KSR1: variants seen among roughly 807,000 people sequenced by gnomAD.
KSR1 encodes kinase suppressor of ras 1, also known as kinase suppressor of ras.
In KSR1, 35 loss-of-function variants were observed where a neutral mutation model predicts 92.9. That is an observed-to-expected ratio of 0.38 (90% CI 0.29 to 0.50). KSR1 has a LOEUF of 0.50. Ranked by LOEUF, KSR1 falls within the 20% of genes least tolerant of loss-of-function variation. The probability of loss-of-function intolerance (pLI) is 0.94; values close to 1 mark genes in which losing one functional copy is unlikely to be tolerated. For missense variants in KSR1, 972 were observed against 1,158.5 expected (o/e 0.84, Z 2.34); for synonymous variants, 467 against 472.6 (o/e 0.99, Z 0.15).
chr17:27,531,036 A>G (rs556049735), intron 1 of KSR1, among the ~76,000 whole-genome samples: 23 of 152,302 alleles, frequency 1.5e-4, no homozygotes, highest in East Asian at 1.9e-4. Context: ...TCTTGTAAAC[A>G]ATGTCGGGAT....
At chr17:27,500,633 TTC>T (rs900589570) in intron 1 of KSR1, among the ~76,000 whole-genome samples, 2 of 152,242 alleles carry the variant, frequency 1.3e-5, no homozygotes, top group African/African-American at 4.8e-5. Flanking sequence ...TATTTTAAAG[TTC>T]TAAAAGTAGC....
intron 1 of KSR1, among the ~76,000 whole-genome samples, chr17:27,547,444 T>G (rs766684765): frequency 6.6e-6 from 1 of 152,224 alleles, no homozygotes; most frequent in Non-Finnish European, 1.5e-5. Flanking sequence ...GGCACAGTTA[T>G]CTTAACAAAC....
intron 19 of KSR1, among the ~76,000 whole-genome samples, chr17:27,620,249 C>T (rs1160488440): frequency 2.6e-5 from 4 of 152,176 alleles, no homozygotes; most frequent in African/African-American, 7.2e-5. Context: ...GGTAATGGAT[C>T]GTAGCCATAG....
At position 27,471,430 on chromosome 17, in the gene KSR1, C is replaced by T. The variant is rs566756813; in HGVS notation, c.231+14556C>T. ...AGAGAGGGTGACTTTTGAGCTGAGT[C>T]TTGAAAGATGAGAAGGCCACTGTAG... is the stretch of plus-strand genomic sequence containing the variant. On this transcript the variant is annotated intron_variant, in intron 1 of 20. Transcript: ENST00000644974. Among the ~76,000 whole-genome samples, 4 of 152,204 alleles carry T rather than the reference C, an allele frequency of 2.6e-5. No individual in the cohort carries two copies. The South Asian group carries it at 8.3e-4, about 32-fold the overall frequency.
chr17:27,595,383 A>G (rs909503869), intron 9 of KSR1, among the ~76,000 whole-genome samples: 1 of 152,218 alleles, frequency 6.6e-6, no homozygotes, highest in Non-Finnish European at 1.5e-5. Context: ...GCTATGTACC[A>G]CACACTCCCA....
chr17:27,523,256 C>T (rs1011220548), intron 1 of KSR1, among the ~76,000 whole-genome samples: 6 of 152,060 alleles, frequency 3.9e-5, no homozygotes, highest in Non-Finnish European at 5.9e-5. Context: ...CAATAAATGA[C>T]GGTTTACACA....
chr17:27,558,418 A>G (rs1481353475), intron 2 of KSR1, among the ~76,000 whole-genome samples: 1 of 152,140 alleles, frequency 6.6e-6, no homozygotes, highest in Non-Finnish European at 1.5e-5. Context: ...TCATCAAGGT[A>G]TGATATGAAT....
chr17:27,592,242 T>C, intron 7 of KSR1, 119 bp from the exon 8 acceptor site: 2 of 761,494 alleles, frequency 2.6e-6, no homozygotes, highest in Admixed American at 2.3e-5. Context: ...CGAGCTAACA[T>C]TTGTTGAGAA....
intron 2 of KSR1, among the ~76,000 whole-genome samples, chr17:27,564,924 C>G (rs188892256): frequency 2.6e-5 from 4 of 152,256 alleles, no homozygotes; most frequent in African/African-American, 9.6e-5. Flanking sequence ...AGTAGGTGAG[C>G]CCACCCTCCA....
Position 27,456,746 on chromosome 17 carries a change from A to C in KSR1, c.103A>C (p.Ser35Arg), listed in dbSNP as rs1411359319. 4.0e-6 allele frequency: 6 copies of C among 1,499,112 alleles called. No individual in the cohort carries two copies. The highest frequency in any genetic ancestry group is 1.7e-5 in the Admixed American group (1 of 59,520). 92.9% of individuals were successfully genotyped at this position (1,499,112 alleles called of 1,614,324 possible). ...GGAGGGAGGCGCAGGGGCCGCGGCC[A>C]GCCGGGCGCTGCAGCAGTGCGGGCA... ...AAEGGAGAAA[S>R]RALQQCGQLQ... The change falls in exon 1 of 21, where the codon AGC becomes CGC. Residue 35 changes from serine to arginine, a missense_variant. By Grantham distance (110) the Ser-to-Arg change is moderately radical. Around this residue, in one of 5 missense-constraint regions of KSR1, gnomAD observed 19 missense variants for 60.3 expected, o/e 0.32. Coordinates refer to ENST00000644974, the MANE Select transcript of KSR1 (RefSeq NM_001394583.1).
chr17:27,477,503 G>T (rs1045167841), intron 1 of KSR1, among the ~76,000 whole-genome samples: 24 of 152,120 alleles, frequency 1.6e-4, no homozygotes, highest in African/African-American at 4.3e-4. Flanking sequence ...TTGTAGTCTG[G>T]CTGATGACCA....
intron 15 of KSR1, 39 bp from the exon 16 acceptor site, chr17:27,609,157 A>G (rs781024489): frequency 6.3e-7 from 1 of 1,592,320 alleles, no homozygotes; most frequent in East Asian, 2.3e-5. Context: ...CACCTCCGTC[A>G]TCGTTGCACA....
chr17:27,517,709 G>A (rs547040136), intron 1 of KSR1, among the ~76,000 whole-genome samples: 1 of 152,212 alleles, frequency 6.6e-6, no homozygotes, highest in Non-Finnish European at 1.5e-5. Flanking sequence ...AGACCACTGA[G>A]GATTGAAGGT....
intron 2 of KSR1, among the ~76,000 whole-genome samples, chr17:27,571,105 G>A (rs920903896): frequency 1.3e-5 from 2 of 152,186 alleles, no homozygotes; most frequent in African/African-American, 4.8e-5. Context: ...TGTTAAGAGG[G>A]GAGTTTGCCC....
At chr17:27,467,209 C>G (rs910842477) in intron 1 of KSR1, among the ~76,000 whole-genome samples, 1 of 152,212 alleles carries the variant, frequency 6.6e-6, no homozygotes, top group Non-Finnish European at 1.5e-5. Context: ...TATGACCCAG[C>G]TTGGATTTGC....
intron 9 of KSR1, among the ~76,000 whole-genome samples, chr17:27,596,211 C>A (rs955014321): frequency 2.0e-5 from 3 of 152,218 alleles, no homozygotes; most frequent in Admixed American, 1.3e-4. Flanking sequence ...ATCACACTTG[C>A]TTAAGGCTTG....
intron 2 of KSR1, among the ~76,000 whole-genome samples, chr17:27,553,478 T>G (rs189764226): frequency 3.6e-3 from 554 of 152,264 alleles, no homozygotes; most frequent in Non-Finnish European, 6.0e-3. Context: ...GTGTCCTCCT[T>G]CCGTCCCCCC....
intron 2 of KSR1, among the ~76,000 whole-genome samples, chr17:27,553,215 G>A (rs553422085): frequency 6.6e-6 from 1 of 152,284 alleles, no homozygotes; most frequent in South Asian, 2.1e-4. Flanking sequence ...GTGCGGGGGT[G>A]GAGGAGGAAA....
chr17:27,513,150 G>T (rs2069663678), intron 1 of KSR1, among the ~76,000 whole-genome samples: 1 of 152,126 alleles, frequency 6.6e-6, no homozygotes. Context: ...ATGCAACATT[G>T]TTGTGAAATC....
Sources: gnomAD v4.1 joint callset for allele counts (sites outside exome capture counted in the v4.1 genomes callset) on GRCh38, gnomAD v4.1.1 for gene constraint, gnomAD v4.1.1 regional missense constraint, MANE v1.5 for transcripts, NCBI Gene and HGNC (gene_info 2026-07-23, HGNC 2026-07-21) for gene names.